Variants in LRRTM3 observed in about 807,000 individuals in gnomAD.
LRRTM3 encodes leucine rich repeat transmembrane neuronal 3.
LRRTM3 carries 24 observed loss-of-function variants against 44.7 expected under a neutral mutation model. That is an observed-to-expected ratio of 0.54 (90% confidence interval 0.39 to 0.76). LRRTM3 has a LOEUF of 0.76. LRRTM3 is among the 30% of genes least tolerant of loss of function. The pLI is 0.00. For missense variants in LRRTM3, 587 were observed against 702.2 expected (o/e 0.84, Z 1.85); for synonymous variants, 277 against 278.7 (o/e 0.99, Z 0.06).
At chr10:67,046,608 G>A (rs7911551) in intron 2 of LRRTM3, among the ~76,000 whole-genome samples, 4,957 of 152,024 alleles carry the variant, frequency 0.033, 247 homozygotes, top group African/African-American at 0.11. Flanking sequence ...CTTCACCACC[G>A]TAATAAGACT....
intron 2 of LRRTM3, among the ~76,000 whole-genome samples, chr10:67,031,071 C>T (rs1259947607): frequency 6.6e-6 from 1 of 152,046 alleles, no homozygotes; most frequent in Non-Finnish European, 1.5e-5. Flanking sequence ...CACATTTTAC[C>T]CCGTCATACT....
At chr10:67,017,868 C>G (rs564747724) in intron 2 of LRRTM3, among the ~76,000 whole-genome samples, 1 of 152,152 alleles carries the variant, frequency 6.6e-6, no homozygotes, top group South Asian at 2.1e-4. Flanking sequence ...CTCCAGGGTT[C>G]AAGCGATTCT....
chr10:67,004,538 T>C (rs1281943810), intron 2 of LRRTM3, among the ~76,000 whole-genome samples: 5 of 152,158 alleles, frequency 3.3e-5, no homozygotes, highest in Non-Finnish European at 5.9e-5. Context: ...AAACACAAGA[T>C]ATTTGTGGCT....
intron 2 of LRRTM3, among the ~76,000 whole-genome samples, chr10:66,987,488 A>T (rs188808170): frequency 1.3e-5 from 2 of 152,220 alleles, no homozygotes; most frequent in South Asian, 4.1e-4. Flanking sequence ...GCCCAGAAAG[A>T]CTTTGTTATT....
At position 67,057,290 on chromosome 10, in the gene LRRTM3, T is replaced by C. The variant is rs115455179; in HGVS notation, c.1537-40297T>C. ...TACTGTGTGTGTGTGCTGAGAATAC[T>C]TAGGTTCCACTTTCTTAGCATATGT... is the stretch of plus-strand genomic sequence containing the variant. On this transcript the variant is annotated intron_variant, in intron 2 of 2. Transcript: ENST00000361320. Among the ~76,000 whole-genome samples, 748 of 152,238 alleles carry C rather than the reference T, an allele frequency of 4.9e-3. 3 individuals are homozygous for C. The highest frequency in any genetic ancestry group is 0.017 in the African/African-American group (708 of 41,560).
At chr10:67,060,394 A>T (rs569818155) in intron 2 of LRRTM3, among the ~76,000 whole-genome samples, 1 of 152,342 alleles carries the variant, frequency 6.6e-6, no homozygotes, top group South Asian at 2.1e-4. Flanking sequence ...GCGTATATGA[A>T]AGTATGTTCT....
At chr10:67,053,741 A>G (rs1194378545) in intron 2 of LRRTM3, among the ~76,000 whole-genome samples, 1 of 152,204 alleles carries the variant, frequency 6.6e-6, no homozygotes, top group East Asian at 1.9e-4. Flanking sequence ...AATGGAGAAA[A>G]GGAGTATGAA....
intron 2 of LRRTM3, among the ~76,000 whole-genome samples, chr10:67,009,958 CCT>C (rs1852220782): frequency 6.6e-6 from 1 of 152,062 alleles, no homozygotes; most frequent in South Asian, 2.1e-4. Flanking sequence ...AAGCAAGAAC[CCT>C]GTCATTCTAG....
chr10:67,042,012 G>C (rs754164468), intron 2 of LRRTM3, among the ~76,000 whole-genome samples: 2 of 152,242 alleles, frequency 1.3e-5, no homozygotes, highest in South Asian at 4.2e-4. Flanking sequence ...CTTAAAGTAC[G>C]TGTGAAGGGA....
chr10:66,993,461 T>C (rs900711361), intron 2 of LRRTM3, among the ~76,000 whole-genome samples: 3 of 152,170 alleles, frequency 2.0e-5, no homozygotes, highest in African/African-American at 4.8e-5. Flanking sequence ...TGATCATCTT[T>C]GGAAATAACA....
chr10:66,974,065 A>G (rs988977995), intron 2 of LRRTM3, among the ~76,000 whole-genome samples: 2 of 152,312 alleles, frequency 1.3e-5, no homozygotes, highest in African/African-American at 4.8e-5. Context: ...CTATCACCAA[A>G]AAAGTTGCCC....
chr10:67,082,729 A>G (rs946049134), intron 2 of LRRTM3, among the ~76,000 whole-genome samples: 10 of 152,292 alleles, frequency 6.6e-5, no homozygotes, highest in Non-Finnish European at 1.5e-4. Context: ...AAAATAAAGT[A>G]CTTCTACATC....
intron 2 of LRRTM3, among the ~76,000 whole-genome samples, chr10:66,990,760 T>C (rs1850996268): frequency 6.6e-6 from 1 of 152,202 alleles, no homozygotes; most frequent in Non-Finnish European, 1.5e-5. Context: ...GTCTCACTAC[T>C]TGATAATGTT....
intron 2 of LRRTM3, among the ~76,000 whole-genome samples, chr10:67,089,169 C>T (rs1857485164): frequency 1.3e-5 from 2 of 151,934 alleles, no homozygotes; most frequent in Non-Finnish European, 2.9e-5. Context: ...CCCATGGATA[C>T]TGAGGGAGGA....
At chr10:66,972,700 ATTTTTTTTTTT>A (rs56664927) in intron 2 of LRRTM3, among the ~76,000 whole-genome samples, 1 of 108,656 alleles carries the variant, frequency 9.2e-6, no homozygotes, top group African/African-American at 3.4e-5. Context: ...TGTCAAATAG[ATTTTTTTTTTT>A]TTTTTTTTTT....
intron 2 of LRRTM3, among the ~76,000 whole-genome samples, chr10:66,995,508 A>G (rs1851278245): frequency 6.6e-6 from 1 of 152,224 alleles, no homozygotes; most frequent in African/African-American, 2.4e-5. Flanking sequence ...CACGAAGCAG[A>G]TAAAGTTACC....
At chr10:66,962,804 T>C (rs1454576576) in intron 2 of LRRTM3, among the ~76,000 whole-genome samples, 1 of 152,166 alleles carries the variant, frequency 6.6e-6, no homozygotes, top group Non-Finnish European at 1.5e-5. Context: ...TCTCCTTATT[T>C]TACTGTTCTC....
chr10:66,933,174 C>A (rs1847505325), intron 2 of LRRTM3, among the ~76,000 whole-genome samples: 2 of 152,190 alleles, frequency 1.3e-5, no homozygotes, highest in South Asian at 2.1e-4. Flanking sequence ...AAATCAGTAA[C>A]CTCCATGTTA....
intron 2 of LRRTM3, among the ~76,000 whole-genome samples, chr10:67,055,815 C>T (rs752800052): frequency 2.6e-5 from 4 of 152,064 alleles, no homozygotes; most frequent in Non-Finnish European, 5.9e-5. Flanking sequence ...CTTAAATTTC[C>T]CCAACAACCT....
Sources: allele counts gnomAD v4.1 joint callset (sites outside exome capture counted in the v4.1 genomes callset), GRCh38; gene constraint gnomAD v4.1.1; transcripts MANE v1.5; gene names NCBI Gene and HGNC (gene_info 2026-07-23, HGNC 2026-07-21).